Variants in LRMDA observed in about 807,000 individuals in gnomAD.
The protein encoded by LRMDA is leucine rich melanocyte differentiation associated.
A neutral mutation model predicts 29.8 loss-of-function variants in LRMDA; 18 were observed. That is an observed-to-expected ratio of 0.60 (90% CI 0.42 to 0.90). The LOEUF (loss-of-function observed/expected upper bound fraction) is 0.90, where lower values mean the gene tolerates loss of function less well. Among genes scored for constraint, LRMDA ranks in the 40% least tolerant of loss-of-function variants. The pLI is 0.00. For missense variants in LRMDA, 273 were observed against 273.9 expected (o/e 1.00, Z 0.02); for synonymous variants, 125 against 109.4 (o/e 1.14, Z -0.89).
intron 5 of LRMDA, among the ~76,000 whole-genome samples, chr10:76,237,681 C>T (rs1481140683): frequency 2.0e-5 from 3 of 150,902 alleles, no homozygotes; most frequent in African/African-American, 7.3e-5. Context: ...CTTTCAGTGG[C>T]AGGGCTGGGA....
At chr10:75,913,750 G>A (rs888747099) in intron 2 of LRMDA, among the ~76,000 whole-genome samples, 7 of 152,198 alleles carry the variant, frequency 4.6e-5, no homozygotes, top group Non-Finnish European at 2.9e-5. Context: ...GGCCTTTTAG[G>A]TATACCTGGT....
intron 5 of LRMDA, among the ~76,000 whole-genome samples, chr10:76,297,933 C>T (rs1840431907): frequency 6.6e-6 from 1 of 152,196 alleles, no homozygotes; most frequent in African/African-American, 2.4e-5. Context: ...TTAAAGCTTC[C>T]AGCTGCAAGG....
intron 5 of LRMDA, among the ~76,000 whole-genome samples, chr10:76,221,550 C>T (rs979851951): frequency 3.9e-5 from 6 of 152,192 alleles, no homozygotes; most frequent in Non-Finnish European, 8.8e-5. Flanking sequence ...ACCTAGGAAT[C>T]CAGCTTACAA....
chr10:75,822,012 A>G lies in LRMDA; in HGVS notation c.132-213996A>G, dbSNP rs977803581. Among the ~76,000 whole-genome samples, 5 of 152,178 alleles carry G rather than the reference A, an allele frequency of 3.3e-5. No individual in the cohort carries two copies. In the East Asian group the frequency reaches 5.8e-4, roughly 18 times the overall value. ...CAGTCAAGAGAAAGAAATAAAAGTC[A>G]TCTTAATTGGGAAAGTGGAAGTCAA... On this transcript the variant is annotated intron_variant, in intron 2 of 6. Transcript: ENST00000611255.
chr10:76,423,883 G>C (rs756899159), intron 6 of LRMDA, among the ~76,000 whole-genome samples: 3 of 152,160 alleles, frequency 2.0e-5, no homozygotes, highest in Non-Finnish European at 4.4e-5. Flanking sequence ...CCCAAGGGGT[G>C]AGGGGAGGTG....
intron 2 of LRMDA, among the ~76,000 whole-genome samples, chr10:75,584,036 C>T (rs751867977): frequency 1.4e-4 from 21 of 152,144 alleles, no homozygotes; most frequent in Admixed American, 5.2e-4. Context: ...ATGTCCTTCA[C>T]GTGGTTCGCA....
intron 2 of LRMDA, among the ~76,000 whole-genome samples, chr10:75,559,405 T>G (rs1239903146): frequency 1.3e-5 from 2 of 151,926 alleles, no homozygotes; most frequent in Non-Finnish European, 2.9e-5. Flanking sequence ...CAAATTTGTT[T>G]GAGTTCATTG....
At chr10:76,111,639 AAG>A (rs541688042) in intron 5 of LRMDA, among the ~76,000 whole-genome samples, 17 of 152,246 alleles carry the variant, frequency 1.1e-4, no homozygotes, top group Non-Finnish European at 2.4e-4. Flanking sequence ...CCCACTTTTG[AAG>A]AGTTTGTATA....
At chr10:76,441,955 G>A (rs865820303) in intron 6 of LRMDA, among the ~76,000 whole-genome samples, 7 of 152,122 alleles carry the variant, frequency 4.6e-5, no homozygotes, top group East Asian at 1.9e-4. Flanking sequence ...CTGCCACCTC[G>A]TCTCTCTGCC....
chr10:75,553,845 G>A (rs997741713), intron 2 of LRMDA, among the ~76,000 whole-genome samples: 1 of 151,984 alleles, frequency 6.6e-6, no homozygotes, highest in East Asian at 1.9e-4. Context: ...CTGTTGTTTG[G>A]TCTTAATCTC....
chr10:75,770,778 C>T lies in LRMDA; in HGVS notation c.132-265230C>T, dbSNP rs1843229378. 1.3e-5 allele frequency among the ~76,000 whole-genome samples: 2 copies of T among 152,168 alleles called. 1 individual carries two copies. The highest frequency in any genetic ancestry group is 4.1e-4 in the South Asian group (2 of 4,826). ...AGAACATTTGTGGAAACTCTCCTTGCTCGGGTCTCATGCCACGCTATTTCA... is the reference window on the plus strand; with the variant it reads ...AGAACATTTGTGGAAACTCTCCTTGTTCGGGTCTCATGCCACGCTATTTCA... On this transcript the variant is annotated intron_variant, in intron 2 of 6. Coordinates refer to ENST00000611255, the MANE Select transcript of LRMDA (RefSeq NM_001305581.2).
At chr10:76,144,965 C>A (rs1850282866) in intron 5 of LRMDA, among the ~76,000 whole-genome samples, 1 of 152,130 alleles carries the variant, frequency 6.6e-6, no homozygotes, top group Non-Finnish European at 1.5e-5. Context: ...TGGTTTTTGT[C>A]TTTGGTTCTG....
At chr10:75,692,083 C>T (rs960265719) in intron 2 of LRMDA, among the ~76,000 whole-genome samples, 1 of 151,272 alleles carries the variant, frequency 6.6e-6, no homozygotes, top group Non-Finnish European at 1.5e-5. Flanking sequence ...GTGTCTGTAG[C>T]TCCAGCTACT....
intron 5 of LRMDA, among the ~76,000 whole-genome samples, chr10:76,176,251 G>A (rs1022908503): frequency 2.6e-5 from 4 of 152,148 alleles, no homozygotes; most frequent in Non-Finnish European, 4.4e-5. Context: ...TTGGCATCCG[G>A]CGTCTATCAA....
chr10:75,815,700 A>G (rs1844047201), intron 2 of LRMDA, among the ~76,000 whole-genome samples: 1 of 152,208 alleles, frequency 6.6e-6, no homozygotes, highest in African/African-American at 2.4e-5. Flanking sequence ...GGACATGTAG[A>G]ATGAGAGAGA....
intron 5 of LRMDA, among the ~76,000 whole-genome samples, chr10:76,295,824 A>C (rs1840404679): frequency 6.6e-6 from 1 of 152,084 alleles, no homozygotes; most frequent in Admixed American, 6.5e-5. Flanking sequence ...CATTTTTTCC[A>C]AGGCTCAGCT....
At chr10:76,141,737 A>G (rs1850204924) in intron 5 of LRMDA, among the ~76,000 whole-genome samples, 1 of 152,132 alleles carries the variant, frequency 6.6e-6, no homozygotes, top group African/African-American at 2.4e-5. Flanking sequence ...TCCAGCTTTC[A>G]AGCCCCTTGG....
At chr10:75,616,701 G>T (rs908425780) in intron 2 of LRMDA, among the ~76,000 whole-genome samples, 1 of 152,134 alleles carries the variant, frequency 6.6e-6, no homozygotes. Flanking sequence ...CTCAAAATTT[G>T]GTTTTATGCA....
chr10:76,544,730 A>G (rs931047016), intron 6 of LRMDA, among the ~76,000 whole-genome samples: 23 of 151,572 alleles, frequency 1.5e-4, no homozygotes, highest in African/African-American at 5.3e-4. Flanking sequence ...ACACACACAC[A>G]CACACACACA....
Sources: allele counts gnomAD v4.1 joint callset (sites outside exome capture counted in the v4.1 genomes callset), GRCh38; gene constraint gnomAD v4.1.1; transcripts MANE v1.5; gene names NCBI Gene and HGNC (gene_info 2026-07-23, HGNC 2026-07-21).